PKIA: variants seen among roughly 807,000 people sequenced by gnomAD.
PKIA encodes the protein PKI-alpha.
In PKIA, 4 loss-of-function variants were observed where a neutral mutation model predicts 7.6. That is an observed-to-expected ratio of 0.52 (90% CI 0.26 to 1.20). The LOEUF (loss-of-function observed/expected upper bound fraction) is 1.20. Among genes scored for constraint, PKIA ranks in the 50% most tolerant of loss-of-function variants. The pLI, the probability that PKIA is intolerant of heterozygous loss-of-function variation, is 0.13. For missense variants in PKIA, 73 were observed against 86.2 expected, an observed-to-expected ratio of 0.85 and a Z score of 0.61; for synonymous variants, 21 against 30.7, an observed-to-expected ratio of 0.68 and a Z score of 1.04.
At chr8:78,569,626 T>A (rs1375826018) in intron 1 of PKIA, among the ~76,000 whole-genome samples, 2 of 152,054 alleles carry the variant, frequency 1.3e-5, no homozygotes, top group Non-Finnish European at 2.9e-5. Context: ...AAGAACCAGG[T>A]AATCACAAAA....
At chr8:78,570,274 A>C (rs912550407) in intron 1 of PKIA, among the ~76,000 whole-genome samples, 3 of 152,296 alleles carry the variant, frequency 2.0e-5, no homozygotes, top group African/African-American at 7.2e-5. Context: ...AAAGGAAAAA[A>C]GTCTGAAAAG....
intron 1 of PKIA, among the ~76,000 whole-genome samples, chr8:78,544,190 C>T (rs907217346): frequency 5.3e-5 from 8 of 152,150 alleles, no homozygotes; most frequent in African/African-American, 1.9e-4. Context: ...AAACAAGTGC[C>T]TTCATGTTTT....
At chr8:78,595,425 T>C (rs1356992983) in intron 2 of PKIA, among the ~76,000 whole-genome samples, 1 of 152,176 alleles carries the variant, frequency 6.6e-6, no homozygotes, top group East Asian at 1.9e-4. Flanking sequence ...TGGTTTATTT[T>C]TGTTTGTTTC....
chr8:78,547,629 CATAAG>C (rs1378341561), intron 1 of PKIA, among the ~76,000 whole-genome samples: 2 of 152,086 alleles, frequency 1.3e-5, no homozygotes, highest in Non-Finnish European at 2.9e-5. Flanking sequence ...AATTTAAAGA[CATAAG>C]ATGAGTAGTT....
intron 1 of PKIA, among the ~76,000 whole-genome samples, chr8:78,548,791 G>A (rs1806902888): frequency 6.6e-6 from 1 of 151,906 alleles, no homozygotes; most frequent in Non-Finnish European, 1.5e-5. Context: ...TAATTATATT[G>A]TTATAATGCA....
chr8:78,549,438 G>T (rs1027430637), intron 1 of PKIA, among the ~76,000 whole-genome samples: 2 of 151,848 alleles, frequency 1.3e-5, no homozygotes, highest in Admixed American at 6.6e-5. Context: ...AACTTTTACA[G>T]CAATCTTTAG....
rs564231778 is a variant in PKIA, at chr8:78,604,808, T to C, written c.*2987T>C. The C allele has an allele frequency of 1.7e-3, 257 of 152,104 alleles. 2 individuals carry two copies. Among genetic ancestry groups the C allele is most frequent in the African/African-American group, 5.9e-3 (245 of 41,522 alleles). 9.4% of individuals were successfully genotyped at this position (152,104 alleles called of 1,614,324 possible). On this transcript the variant is annotated 3_prime_UTR_variant, in exon 4 of 4. Coordinates refer to ENST00000396418, the MANE Select transcript of PKIA (RefSeq NM_006823.4). Reference sequence around the variant, plus strand: ...TACCTTTTATCAATTGTAATCATCCTATGCCAACATATTATCATAAATTCA... The same window carrying C: ...TACCTTTTATCAATTGTAATCATCCCATGCCAACATATTATCATAAATTCA...
intron 1 of PKIA, among the ~76,000 whole-genome samples, chr8:78,544,615 AAAGT>A (rs1481332413): frequency 6.6e-6 from 1 of 152,188 alleles, no homozygotes; most frequent in African/African-American, 2.4e-5. Flanking sequence ...CTATTTGATA[AAAGT>A]AATTGAAAGC....
At chr8:78,552,800 T>C (rs1162423853) in intron 1 of PKIA, among the ~76,000 whole-genome samples, 1 of 152,032 alleles carries the variant, frequency 6.6e-6, no homozygotes, top group Non-Finnish European at 1.5e-5. Flanking sequence ...ATACTTTTAG[T>C]CTTTATATAA....
intron 2 of PKIA, among the ~76,000 whole-genome samples, chr8:78,579,097 G>A (rs1178319890): frequency 6.6e-6 from 1 of 151,874 alleles, no homozygotes; most frequent in Non-Finnish European, 1.5e-5. Flanking sequence ...TAGTCCATAA[G>A]AAACTCTTTC....
At chr8:78,588,162 A>T (rs943584745) in intron 2 of PKIA, among the ~76,000 whole-genome samples, 1 of 152,220 alleles carries the variant, frequency 6.6e-6, no homozygotes, top group African/African-American at 2.4e-5. Context: ...ATGGAGAAAG[A>T]GTGTGACTGG....
chr8:78,548,956 G>T (rs1412152948), intron 1 of PKIA, among the ~76,000 whole-genome samples: 1 of 151,924 alleles, frequency 6.6e-6, no homozygotes, highest in African/African-American at 2.4e-5. Context: ...CTATCAGGTG[G>T]TTACATGAAT....
intron 3 of PKIA, among the ~76,000 whole-genome samples, chr8:78,601,248 T>C (rs1317186548): frequency 1.3e-5 from 2 of 152,088 alleles, no homozygotes; most frequent in African/African-American, 4.8e-5. Flanking sequence ...TGCTTTTACT[T>C]TGAACTAATA....
intron 2 of PKIA, among the ~76,000 whole-genome samples, chr8:78,582,724 A>G (rs1337091714): frequency 6.6e-6 from 1 of 152,174 alleles, no homozygotes. Context: ...CTGCACTCAA[A>G]TTGGAATAAA....
Position 78,547,678 on chromosome 8 carries a change from CTG to C in PKIA, c.-156-25132_-156-25131del, listed in dbSNP as rs1193198214. Among the ~76,000 whole-genome samples the C allele has an allele frequency of 2.0e-5, 3 of 152,084 alleles. No homozygotes were observed. The East Asian group carries it at 5.8e-4, about 29-fold the overall frequency. Reference sequence around the variant, plus strand: ...TGAAATTTAATTAGGAAAGTGGTGACTGAGAGAGGACTAGACAGTATGTTGTT... The same window carrying C: ...TGAAATTTAATTAGGAAAGTGGTGACAGAGAGGACTAGACAGTATGTTGTT... On this transcript the variant is annotated intron_variant, in intron 1 of 3. Transcript: ENST00000396418.
chr8:78,535,580 T>C (rs1806501860), intron 1 of PKIA: 1 of 152,102 alleles, frequency 6.6e-6, no homozygotes, highest in Non-Finnish European at 1.5e-5. Context: ...GAAAGAACTA[T>C]GAATCACTAA....
At chr8:78,537,602 C>A (rs924179230) in intron 1 of PKIA, among the ~76,000 whole-genome samples, 5 of 147,580 alleles carry the variant, frequency 3.4e-5, no homozygotes, top group African/African-American at 1.2e-4. Flanking sequence ...CCCCCCACCG[C>A]CAACAACTAG....
chr8:78,581,637 C>T (rs757405865), intron 2 of PKIA, among the ~76,000 whole-genome samples: 1 of 152,036 alleles, frequency 6.6e-6, no homozygotes, highest in Non-Finnish European at 1.5e-5. Context: ...CAGCTAAATC[C>T]TACAAAATAA....
chr8:78,547,775 T>C (rs961575946), intron 1 of PKIA, among the ~76,000 whole-genome samples: 1 of 152,180 alleles, frequency 6.6e-6, no homozygotes, highest in East Asian at 1.9e-4. Context: ...GTAGAAATTC[T>C]CCACCTTCAA....
Sources: allele counts gnomAD v4.1 joint callset (sites outside exome capture counted in the v4.1 genomes callset), GRCh38; gene constraint gnomAD v4.1.1; transcripts MANE v1.5; gene names NCBI Gene and HGNC (gene_info 2026-07-23, HGNC 2026-07-21).